The following UBE2E2 variants were observed in gnomAD, a reference collection of about 807,000 sequenced individuals.
UBE2E2 encodes the protein ubiquitin-conjugating enzyme E2 E2.
A neutral mutation model predicts 24.7 loss-of-function variants in UBE2E2; 6 were observed. The observed-to-expected ratio is 0.24, with a 90% CI of 0.13 to 0.48. The LOEUF (loss-of-function observed/expected upper bound fraction) is 0.48, where lower values mean the gene tolerates loss of function less well. Ranked by LOEUF, UBE2E2 falls within the 20% of genes least tolerant of loss-of-function variation. UBE2E2 has a pLI of 0.99. For synonymous variants in UBE2E2, 104 were observed against 83.6 expected (o/e 1.24, Z -1.33); for missense variants, 169 against 245.0 (o/e 0.69, Z 2.07).
intron 3 of UBE2E2, among the ~76,000 whole-genome samples, chr3:23,455,887 A>G (rs978467885): frequency 1.3e-5 from 2 of 152,206 alleles, no homozygotes; most frequent in South Asian, 4.1e-4. Flanking sequence ...AATTTGTTGC[A>G]TCAGTTGACT....
rs185828777 is a variant in UBE2E2, at chr3:23,464,314, G to A, written c.228-35294G>A. Among the ~76,000 whole-genome samples the A allele has an allele frequency of 2.4e-3, 365 of 152,242 alleles. 3 individuals carry two copies. The highest frequency in any genetic ancestry group is 8.4e-3 in the African/African-American group (349 of 41,548). ...TTATAGGAAATACTTTAGTTAAACT[G>A]TAGTGTAATTGCAGTGCTCCAGATT... is the stretch of plus-strand genomic sequence containing the variant. On this transcript the variant is annotated intron_variant, in intron 3 of 5. Transcript: ENST00000396703.
chr3:23,407,489 G>C lies in UBE2E2; in HGVS notation c.228-92119G>C, dbSNP rs1697387401. 6.6e-6 allele frequency among the ~76,000 whole-genome samples: 1 copy of C among 152,074 alleles called. No individual in the cohort carries two copies. Among genetic ancestry groups the C allele is most frequent in the African/African-American group, 2.4e-5 (1 of 41,416 alleles). On this transcript the variant is annotated intron_variant, in intron 3 of 5. Transcript: ENST00000396703. This position sits in a 1 kb window ranked among gnomAD's most constrained non-coding sequence, Gnocchi z 4.0. ...ATGTTCAAACATACACAAATGTAAA[G>C]AATTGATCCCCTGCTCCCGTACTCA...
At position 23,355,994 on chromosome 3, in the gene UBE2E2, GATTACTTC is replaced by G. The variant is rs61199098; in HGVS notation, c.227+138687_227+138694del. On this transcript the variant is annotated intron_variant, in intron 3 of 5. Coordinates refer to ENST00000396703, the MANE Select transcript of UBE2E2 (RefSeq NM_152653.4). ...CTGCCAGCTATCAACTGATTGAATT[GATTACTTC>G]ATTAAAGCTAGAAATACAGATCTGA... 5.7e-4 allele frequency among the ~76,000 whole-genome samples: 87 copies of G among 152,284 alleles called. 3 individuals carry two copies. The East Asian group carries it at 0.015, about 27-fold the overall frequency.
At chr3:23,296,907 T>A (rs1256059236) in intron 3 of UBE2E2, among the ~76,000 whole-genome samples, 10 of 152,250 alleles carry the variant, frequency 6.6e-5, no homozygotes, top group African/African-American at 9.6e-5. Flanking sequence ...ATCGTTGAAC[T>A]AGTTTACAGT....
At chr3:23,585,236 C>G (rs771909329) in intron 5 of UBE2E2, among the ~76,000 whole-genome samples, 10 of 151,688 alleles carry the variant, frequency 6.6e-5, no homozygotes, top group African/African-American at 9.7e-5. Context: ...ACTGGACATG[C>G]TACTGTGTGC....
At chr3:23,573,364 A>C (rs35169377) in intron 5 of UBE2E2, among the ~76,000 whole-genome samples, 58,412 of 152,016 alleles carry the variant, frequency 0.38, 11,794 homozygotes, top group East Asian at 0.51. Flanking sequence ...ACTGCTTTGA[A>C]TTCTTAAATT....
chr3:23,230,114 C>T (rs1005552043), intron 3 of UBE2E2, among the ~76,000 whole-genome samples: 1 of 152,096 alleles, frequency 6.6e-6, no homozygotes, highest in African/African-American at 2.4e-5. Flanking sequence ...CCATTATATT[C>T]TAAGGACTCT....
In UBE2E2 at chr3:23,589,127, A is replaced by T. The variant is rs1224831231; in HGVS notation, c.509-607A>T. The stretch of plus-strand genomic sequence containing the variant: ...AGCCCACCTGCATTTTCTCCGTGAA[A>T]TATCTACTTGAAGACAGGCATCTCA... On this transcript the variant is annotated intron_variant, in intron 5 of 5. Coordinates refer to ENST00000396703, the MANE Select transcript of UBE2E2 (RefSeq NM_152653.4). The surrounding 1 kb of genome is among the most constrained non-coding windows in gnomAD (Gnocchi z 4.1). Among the ~76,000 whole-genome samples the T allele has an allele frequency of 6.6e-6, 1 of 152,066 alleles. No homozygotes were observed. The highest frequency in any genetic ancestry group is 2.4e-5 in the African/African-American group (1 of 41,394).
At position 23,391,471 on chromosome 3, in the gene UBE2E2, T is replaced by C. The variant is rs548399218; in HGVS notation, c.228-108137T>C. Among the ~76,000 whole-genome samples the C allele has an allele frequency of 2.0e-5, 3 of 152,316 alleles. No individual in the cohort carries two copies. The East Asian group carries it at 5.8e-4, about 29-fold the overall frequency. On this transcript the variant is annotated intron_variant, in intron 3 of 5. Coordinates refer to ENST00000396703, the MANE Select transcript of UBE2E2 (RefSeq NM_152653.4). ...GCTGGATACAGGCATGATGCAAACATTTAAAAATATGGCCACTGTCACAGG... is the reference window on the plus strand; with the variant it reads ...GCTGGATACAGGCATGATGCAAACACTTAAAAATATGGCCACTGTCACAGG...
chr3:23,476,323 A>G (rs557986053), intron 3 of UBE2E2, among the ~76,000 whole-genome samples: 1 of 152,202 alleles, frequency 6.6e-6, no homozygotes, highest in Admixed American at 6.5e-5. Context: ...AGGACATTGA[A>G]TGTAATTATT....
intron 3 of UBE2E2, among the ~76,000 whole-genome samples, chr3:23,279,652 A>G (rs917601118): frequency 2.0e-5 from 3 of 152,210 alleles, no homozygotes; most frequent in African/African-American, 7.2e-5. Context: ...ATAGCTGCTT[A>G]TCAGGAGAGA....
chr3:23,291,084 A>AC (rs1416294761), intron 3 of UBE2E2, among the ~76,000 whole-genome samples: 1 of 149,968 alleles, frequency 6.7e-6, no homozygotes, highest in African/African-American at 2.5e-5. Flanking sequence ...AAAAAAAACA[A>AC]AAAACGTGAG....
rs951730998 is a variant in UBE2E2 at position 23,591,433 on chromosome 3, T to C, written c.*1602T>C. The C allele has an allele frequency of 1.3e-5, 2 of 152,238 alleles. No individual in the cohort carries two copies. The highest frequency in any genetic ancestry group is 4.8e-5 in the African/African-American group (2 of 41,472). 9.4% of individuals were successfully genotyped at this position (152,238 alleles called of 1,614,324 possible). ...AATCCTAAGAAAATATATTTAAATATTGCAAATGCCACTTCTAAACCAAAA... is the reference window on the plus strand; with the variant it reads ...AATCCTAAGAAAATATATTTAAATACTGCAAATGCCACTTCTAAACCAAAA... On this transcript the variant is annotated 3_prime_UTR_variant, in exon 6 of 6. Transcript: ENST00000396703.
At chr3:23,282,006 A>T (rs1332916109) in intron 3 of UBE2E2, among the ~76,000 whole-genome samples, 1 of 152,174 alleles carries the variant, frequency 6.6e-6, no homozygotes, top group African/African-American at 2.4e-5. Flanking sequence ...GATTATGTAA[A>T]TTTTGCAAAT....
chr3:23,203,199 C>T, upstream of UBE2E2: 1 of 985,938 alleles, frequency 1.0e-6, no homozygotes, highest in Non-Finnish European at 1.2e-6. Context: ...GCGACAGCCG[C>T]GGGCAGCAGC....
chr3:23,349,008 C>T (rs536125754), intron 3 of UBE2E2, among the ~76,000 whole-genome samples: 24 of 152,254 alleles, frequency 1.6e-4, no homozygotes, highest in East Asian at 1.2e-3. Context: ...ACCACCTCCC[C>T]GCAGGAGTTG....
intron 3 of UBE2E2, among the ~76,000 whole-genome samples, chr3:23,274,904 C>G (rs1312450947): frequency 2.0e-5 from 3 of 152,034 alleles, no homozygotes; most frequent in Non-Finnish European, 2.9e-5. Context: ...TATTTATTCA[C>G]TCATATAAAA....
At chr3:23,299,687 G>A (rs1699014848) in intron 3 of UBE2E2, among the ~76,000 whole-genome samples, 2 of 152,170 alleles carry the variant, frequency 1.3e-5, no homozygotes, top group Non-Finnish European at 2.9e-5. Flanking sequence ...ATTTGCTGAG[G>A]TGTGCTTTAC....
intron 3 of UBE2E2, among the ~76,000 whole-genome samples, chr3:23,465,016 C>G (rs34011881): frequency 0.029 from 4,402 of 152,294 alleles, 109 homozygotes; most frequent in East Asian, 0.13. Context: ...CTTTCATTGA[C>G]ACACAAATTT....
Sources: gnomAD v4.1 joint callset for allele counts (sites outside exome capture counted in the v4.1 genomes callset) on GRCh38, gnomAD v4.1.1 for gene constraint, Gnocchi (gnomAD v3.1) non-coding constraint, MANE v1.5 for transcripts, NCBI Gene and HGNC (gene_info 2026-07-23, HGNC 2026-07-21) for gene names.